Variants in HSD17B7 observed in about 807,000 individuals in gnomAD.
The protein encoded by HSD17B7 is 3-keto-steroid reductase/17-beta-hydroxysteroid dehydrogenase 7.
A neutral mutation model predicts 34.1 loss-of-function variants in HSD17B7; 17 were observed. The ratio of observed to expected loss-of-function variants is 0.50; its 90% confidence interval spans 0.34 to 0.75. The LOEUF (loss-of-function observed/expected upper bound fraction) is 0.75, where lower values mean the gene tolerates loss of function less well. Ranked by LOEUF, HSD17B7 falls within the 30% of genes least tolerant of loss-of-function variation. HSD17B7 has a pLI of 0.01. For missense variants in HSD17B7, 296 were observed against 406.6 expected (o/e 0.73, Z 2.34); for synonymous variants, 122 against 154.6 (o/e 0.79, Z 1.56).
At chr1:162,798,209 C>T (rs1251229657) in intron 4 of HSD17B7, 13 of 392,466 alleles carry the variant, frequency 3.3e-5, no homozygotes, top group African/African-American at 2.1e-5. Flanking sequence ...ATTAACATTT[C>T]GCATTGGTAT....
At chr1:162,811,567 T>C (rs547917149) in intron 8 of HSD17B7, among the ~76,000 whole-genome samples, 3 of 152,286 alleles carry the variant, frequency 2.0e-5, no homozygotes, top group Non-Finnish European at 4.4e-5. Flanking sequence ...GAATGTAAAA[T>C]AACTATAGAT....
intron 8 of HSD17B7, among the ~76,000 whole-genome samples, chr1:162,810,468 G>C (rs1418348964): frequency 2.0e-5 from 3 of 152,226 alleles, no homozygotes; most frequent in Non-Finnish European, 4.4e-5. Context: ...TATTAGGTCT[G>C]ATTGGTGCAG....
intron 2 of HSD17B7, among the ~76,000 whole-genome samples, chr1:162,793,860 A>C (rs1376533643): frequency 7.0e-6 from 1 of 141,848 alleles, no homozygotes; most frequent in African/African-American, 2.6e-5. Flanking sequence ...CCAAGACCCC[A>C]GGGCTTCTCC....
In HSD17B7 at chr1:162,808,881, G is replaced by A. The variant is rs564855422; in HGVS notation, c.903+3389G>A. Among the ~76,000 whole-genome samples, 11 of 152,140 alleles carry A rather than the reference G, an allele frequency of 7.2e-5. No individual in the cohort carries two copies. In the South Asian group the frequency reaches 1.5e-3, roughly 20 times the overall value. On this transcript the variant is annotated intron_variant, in intron 8 of 8. Transcript: ENST00000254521. Reference sequence around the variant, plus strand: ...AGGAGATTTTGGGCTGAGACAATGGGGTTTTCTAAATATACAATCATGTAA... The same window carrying A: ...AGGAGATTTTGGGCTGAGACAATGGAGTTTTCTAAATATACAATCATGTAA...
At chr1:162,811,553 A>G (rs1333512761) in intron 8 of HSD17B7, among the ~76,000 whole-genome samples, 2 of 152,222 alleles carry the variant, frequency 1.3e-5, no homozygotes, top group African/African-American at 4.8e-5. Context: ...TGCATGAAAC[A>G]CAAGAATGTA....
intron 1 of HSD17B7, among the ~76,000 whole-genome samples, chr1:162,791,532 TAAATGA>T (rs1648405770): frequency 1.3e-5 from 1 of 77,538 alleles, no homozygotes; most frequent in African/African-American, 4.3e-5. Flanking sequence ...TTGGCATTTT[TAAATGA>T]TTAAGACAGA....
At chr1:162,799,283 T>G (rs1412687414) in intron 4 of HSD17B7, among the ~76,000 whole-genome samples, 2 of 152,232 alleles carry the variant, frequency 1.3e-5, no homozygotes, top group Admixed American at 6.5e-5. Context: ...TTGGCTCCTG[T>G]ATCTCTTTGG....
intron 8 of HSD17B7, among the ~76,000 whole-genome samples, chr1:162,811,089 G>T (rs1016469674): frequency 2.9e-4 from 44 of 152,334 alleles, no homozygotes; most frequent in Non-Finnish European, 4.7e-4. Flanking sequence ...GCTGGTACCG[G>T]TTGTTCCTTT....
chr1:162,790,749 C>A lies in HSD17B7; in HGVS notation c.-52C>A. On this transcript the variant is annotated 5_prime_UTR_variant, in exon 1 of 9. Transcript: ENST00000254521. Reference sequence around the variant, plus strand: ...AGGCGGCCCGAAATCGTAGGACTTCCGAAAGCAGCGGCGGTGTTTGCTTCA... The same window carrying A: ...AGGCGGCCCGAAATCGTAGGACTTCAGAAAGCAGCGGCGGTGTTTGCTTCA... 3 of 1,210,768 alleles carry A rather than the reference C, an allele frequency of 2.5e-6. No individual in the cohort carries two copies. In the South Asian group the frequency reaches 3.9e-5, roughly 16 times the overall value. The allele number at this position is 1,210,768 out of a possible 1,614,324, so 75.0% of individuals were successfully genotyped here.
chr1:162,798,048 A>C, intron 4 of HSD17B7, 132 bp downstream of exon 4: 1 of 1,389,504 alleles, frequency 7.2e-7, no homozygotes. Context: ...TCTTGATTGC[A>C]TTTGCCTTGT....
Position 162,804,406 on chromosome 1 carries a change from A to G in HSD17B7, c.804+83A>G, listed in dbSNP as rs1571006456. 2.1e-5 allele frequency: 19 copies of G among 895,196 alleles called. No individual in the cohort carries two copies. In the East Asian group the frequency reaches 4.4e-4, roughly 21 times the overall value. The allele number at this position is 895,196 out of a possible 1,614,324, so 55.5% of individuals were successfully genotyped here. A position where few individuals can be genotyped will look rare whatever the true frequency, so the allele number is the denominator to read the frequency against. On this transcript the variant is annotated intron_variant, in intron 7 of 8. Coordinates refer to ENST00000254521, the MANE Select transcript of HSD17B7 (RefSeq NM_016371.4). ...TTCACTCGTAGTAGAAATAATTTCA[A>G]CAGAAAAGATAATAAGAGAATAAGC...
intron 8 of HSD17B7, among the ~76,000 whole-genome samples, chr1:162,807,437 T>C (rs1649023631): frequency 6.6e-6 from 1 of 152,364 alleles, no homozygotes; most frequent in East Asian, 1.9e-4. Flanking sequence ...TAAACATACA[T>C]GTGCATCTGT....
At chr1:162,798,223 G>A (rs371179316) in intron 4 of HSD17B7, 19 of 323,546 alleles carry the variant, frequency 5.9e-5, no homozygotes, top group African/African-American at 4.1e-4. Context: ...TTGGTATGAT[G>A]CATTTGTCAA....
chr1:162,792,956 A>C, intron 2 of HSD17B7, 94 bp downstream of exon 2: 1 of 1,247,764 alleles, frequency 8.0e-7, no homozygotes, highest in Non-Finnish European at 1.2e-6. Context: ...GAAAAGAAAC[A>C]GGTGCGGTGT....
intron 5 of HSD17B7, chr1:162,800,290 A>T (rs1208730303): frequency 6.4e-6 from 3 of 470,250 alleles, no homozygotes; most frequent in Non-Finnish European, 1.3e-5. Flanking sequence ...CCATTTTCAG[A>T]TGAGGACACT....
intron 2 of HSD17B7, among the ~76,000 whole-genome samples, chr1:162,794,253 A>G (rs918303805): frequency 2.6e-5 from 4 of 152,232 alleles, no homozygotes; most frequent in African/African-American, 9.6e-5. Flanking sequence ...GAAACAAGGA[A>G]GGCTTTCTTG....
chr1:162,812,360 C>A lies in HSD17B7; in HGVS notation c.966C>A (p.His322Gln). Reference sequence around the variant, plus strand: ...AAAAGTTACTGGAACTGGAAAAGCACATTAGGGTCACTATTCAAAAAACAG... The same window carrying A: ...AAAAGTTACTGGAACTGGAAAAGCAAATTAGGGTCACTATTCAAAAAACAG... ...FYQKLLELEK[H>Q]IRVTIQKTDN... The change falls in exon 9 of 9, where the codon CAC becomes CAA. Residue 322 changes from histidine (H) to glutamine (Q), a missense_variant. Physicochemically the swap from His to Gln is conservative, Grantham distance 24. Transcript: ENST00000254521. 6.2e-7 allele frequency: 1 copy of A among 1,611,732 alleles called. No homozygotes were observed.
At chr1:162,795,708 A>G (rs998501948) in intron 2 of HSD17B7, 4 of 427,140 alleles carry the variant, frequency 9.4e-6, no homozygotes, top group African/African-American at 4.1e-5. Flanking sequence ...GACTCTTAAT[A>G]TCTTGGGTTA....
intron 4 of HSD17B7, among the ~76,000 whole-genome samples, chr1:162,799,298 C>T (rs903418803): frequency 3.9e-5 from 6 of 152,272 alleles, no homozygotes; most frequent in Admixed American, 6.5e-5. Context: ...CTTTGGCACA[C>T]CCCCATTGTT....
Sources: allele counts gnomAD v4.1 joint callset (sites outside exome capture counted in the v4.1 genomes callset), GRCh38; gene constraint gnomAD v4.1.1; transcripts MANE v1.5; gene names NCBI Gene and HGNC (gene_info 2026-07-23, HGNC 2026-07-21).